The following PLD5 variants were observed in gnomAD, a reference collection of about 807,000 sequenced individuals.
PLD5 encodes the protein inactive phospholipase D5.
PLD5 carries 36 observed loss-of-function variants against 61.1 expected under a neutral mutation model. The ratio of observed to expected loss-of-function variants is 0.59; its 90% confidence interval spans 0.45 to 0.78. PLD5 has a LOEUF of 0.78. Among genes scored for constraint, PLD5 ranks in the 30% least tolerant of loss-of-function variants. The probability of loss-of-function intolerance (pLI) is 0.00; values close to 1 mark genes in which losing one functional copy is unlikely to be tolerated. For missense variants in PLD5, 515 were observed against 644.4 expected (o/e 0.80, Z 2.17); for synonymous variants, 243 against 242.8 (o/e 1.00, Z -0.01).
chr1:242,138,087 C>T (rs189577256), intron 5 of PLD5, among the ~76,000 whole-genome samples: 1 of 152,168 alleles, frequency 6.6e-6, no homozygotes, highest in African/African-American at 2.4e-5. Flanking sequence ...ATAATTTTGC[C>T]AATCTTACAA....
intron 5 of PLD5, among the ~76,000 whole-genome samples, chr1:242,162,054 G>A (rs1044711738): frequency 6.6e-6 from 1 of 152,008 alleles, no homozygotes; most frequent in Non-Finnish European, 1.5e-5. Flanking sequence ...TAAATATTTG[G>A]CATACGTTTT....
chr1:242,386,240 G>A (rs1029669138), intron 1 of PLD5, among the ~76,000 whole-genome samples: 1 of 152,138 alleles, frequency 6.6e-6, no homozygotes, highest in Admixed American at 6.6e-5. Flanking sequence ...GTACTTGGGG[G>A]TAGAACTTCA....
rs768083194 is a variant in PLD5, at chr1:242,090,096, C to T, written c.1369G>A (p.Val457Ile). ...GAAYIGNFDW[V>I]GNDFTQNAGT... is the part of the protein sequence containing the mutation. ...GCATTCTGAGTGAAATCATTCCCTA[C>T]CCAATCAAAATTTCCTGCAAACAAA... is the stretch of plus-strand genomic sequence containing the variant. The change falls in exon 10 of 10, where the codon GTA becomes ATA. Residue 457 changes from valine (V) to isoleucine (I), a missense_variant. By Grantham distance (29) the Val-to-Ile change is conservative. Around this residue, in one of 2 missense-constraint regions of PLD5, gnomAD observed 450 missense variants for 598.1 expected, o/e 0.75. Transcript: ENST00000536534. 5 of 1,613,724 alleles carry T rather than the reference C, an allele frequency of 3.1e-6. No homozygotes were observed. Among genetic ancestry groups the T allele is most frequent in the East Asian group, 2.2e-5 (1 of 44,878 alleles).
At chr1:242,238,323 A>C (rs1671769612) in intron 4 of PLD5, among the ~76,000 whole-genome samples, 1 of 152,192 alleles carries the variant, frequency 6.6e-6, no homozygotes, top group Non-Finnish European at 1.5e-5. Flanking sequence ...GGCATGAAAC[A>C]CCTGCTACCC....
chr1:242,226,435 A>C (rs972713283), intron 4 of PLD5, among the ~76,000 whole-genome samples: 2 of 152,242 alleles, frequency 1.3e-5, no homozygotes, highest in African/African-American at 4.8e-5. Flanking sequence ...TTAGTAACTC[A>C]AAATAATCTT....
chr1:242,297,621 CTTTTTTTT>C, intron 2 of PLD5, among the ~76,000 whole-genome samples: 1 of 107,214 alleles, frequency 9.3e-6, no homozygotes, highest in Non-Finnish European at 2.0e-5. Flanking sequence ...ATTCATGTTT[CTTTTTTTT>C]TTTTTTTTTT....
At chr1:242,331,565 T>C (rs552270574) in intron 2 of PLD5, among the ~76,000 whole-genome samples, 15 of 152,230 alleles carry the variant, frequency 9.9e-5, no homozygotes, top group African/African-American at 3.1e-4. Flanking sequence ...GAATGAAAAC[T>C]GAGGCCTCTG....
chr1:242,305,662 C>T (rs561805156), intron 2 of PLD5, among the ~76,000 whole-genome samples: 187 of 152,184 alleles, frequency 1.2e-3, no homozygotes, highest in Non-Finnish European at 2.1e-3. Context: ...ATGGTTCAAG[C>T]GATTCTTCTG....
chr1:242,503,274 C>T (rs114177551), intron 1 of PLD5, among the ~76,000 whole-genome samples: 2,512 of 152,120 alleles, frequency 0.017, 75 homozygotes, highest in African/African-American at 0.057. Flanking sequence ...TGAGATCACG[C>T]GAGATCTGGT....
chr1:242,340,891 C>T (rs1217486829), intron 2 of PLD5, among the ~76,000 whole-genome samples: 2 of 151,970 alleles, frequency 1.3e-5, no homozygotes. Context: ...TCTTTAGTAC[C>T]ATACAATTGT....
intron 7 of PLD5, among the ~76,000 whole-genome samples, chr1:242,108,182 T>C (rs1661213069): frequency 6.6e-6 from 1 of 152,106 alleles, no homozygotes; most frequent in African/African-American, 2.4e-5. Context: ...GATTATCCAA[T>C]CGAATTCCAG....
intron 9 of PLD5, among the ~76,000 whole-genome samples, chr1:242,098,644 A>T (rs908904652): frequency 6.6e-6 from 1 of 152,166 alleles, no homozygotes; most frequent in Non-Finnish European, 1.5e-5. Flanking sequence ...TCTGATTTTT[A>T]GAATTTTCAG....
At chr1:242,108,792 G>A (rs1661263345) in intron 7 of PLD5, among the ~76,000 whole-genome samples, 1 of 152,164 alleles carries the variant, frequency 6.6e-6, no homozygotes, top group African/African-American at 2.4e-5. Context: ...GCCTGCCAGT[G>A]TCATGATCAT....
chr1:242,319,938 AT>A (rs536282560), intron 2 of PLD5, among the ~76,000 whole-genome samples: 1,558 of 152,250 alleles, frequency 0.01, 16 homozygotes, highest in African/African-American at 0.035. Flanking sequence ...CTTTAAAAAG[AT>A]TTTTCTTCTT....
At position 242,288,104 on chromosome 1, in the gene PLD5, C is replaced by T. The variant is rs2455533; in HGVS notation, c.495+258G>A. On this transcript the variant is annotated intron_variant, in intron 3 of 9. Transcript: ENST00000536534. ...TAGCACGCCCTGAAGTTGTACAACA[C>T]AGCAATTCTGTATAAAGAGCCGACT... is the stretch of plus-strand genomic sequence containing the variant. Among the ~76,000 whole-genome samples the T allele has an allele frequency of 3.9e-5, 6 of 152,190 alleles. 1 individual carries two copies. The highest frequency in any genetic ancestry group is 2.0e-4 in the Admixed American group (3 of 15,278).
At chr1:242,270,537 A>T (rs3902603) in intron 3 of PLD5, among the ~76,000 whole-genome samples, 9 of 151,276 alleles carry the variant, frequency 5.9e-5, no homozygotes, top group South Asian at 2.1e-4. Context: ...GGGTATTCTT[A>T]AAGAAAGTTA....
At chr1:242,507,910 G>T (rs1165883020) in intron 1 of PLD5, among the ~76,000 whole-genome samples, 1 of 152,090 alleles carries the variant, frequency 6.6e-6, no homozygotes, top group Non-Finnish European at 1.5e-5. Context: ...TTAATAAATG[G>T]TTGTAGGACT....
At chr1:242,102,432 TG>T (rs1290036119) in intron 8 of PLD5, among the ~76,000 whole-genome samples, 1 of 152,218 alleles carries the variant, frequency 6.6e-6, no homozygotes, top group Non-Finnish European at 1.5e-5. Flanking sequence ...TAATACACTG[TG>T]GGTGACAGCA....
At chr1:242,480,495 T>A (rs558519888) in intron 1 of PLD5, among the ~76,000 whole-genome samples, 1 of 151,658 alleles carries the variant, frequency 6.6e-6, no homozygotes, top group South Asian at 2.1e-4. Flanking sequence ...AAAAAAGAAA[T>A]GATAAATCAG....
Sources: allele counts gnomAD v4.1 joint callset (sites outside exome capture counted in the v4.1 genomes callset), GRCh38; gene constraint gnomAD v4.1.1; regional missense constraint gnomAD v4.1.1; transcripts MANE v1.5; gene names NCBI Gene and HGNC (gene_info 2026-07-23, HGNC 2026-07-21).